Variants in SLC24A2 observed in about 807,000 individuals in gnomAD.
SLC24A2 encodes sodium/potassium/calcium exchanger 2.
A neutral mutation model predicts 62.0 loss-of-function variants in SLC24A2; 36 were observed. That is an observed-to-expected ratio of 0.58 (90% CI 0.44 to 0.77). The LOEUF (loss-of-function observed/expected upper bound fraction) is 0.77. SLC24A2 is among the 30% of genes least tolerant of loss of function. The probability of loss-of-function intolerance (pLI) is 0.00; values close to 1 mark genes in which losing one functional copy is unlikely to be tolerated. For missense variants in SLC24A2, 846 were observed against 817.9 expected (o/e 1.03, Z -0.42); for synonymous variants, 358 against 294.0 (o/e 1.22, Z -2.23).
chr9:19,880,062 T>C, the SLC24A2 span, among the ~76,000 whole-genome samples: 29 of 152,302 alleles, frequency 1.9e-4, no homozygotes, highest in African/African-American at 7.0e-4. Context: ...AATCTACTTA[T>C]GTTTTGATTT....
At chr9:19,895,546 C>CTTTCTTTTTTTTTT in the SLC24A2 span, among the ~76,000 whole-genome samples, 1 of 135,326 alleles carries the variant, frequency 7.4e-6, no homozygotes, top group Non-Finnish European at 1.6e-5. Context: ...TTCTTTCTTT[C>CTTTCTTTTTTTTTT]TTTTTTTTTT....
At chr9:19,700,027 T>G (rs1820309694) in intron 2 of SLC24A2, among the ~76,000 whole-genome samples, 1 of 152,280 alleles carries the variant, frequency 6.6e-6, no homozygotes, top group East Asian at 1.9e-4. Flanking sequence ...GTAATTGTAT[T>G]TGTAAAATGT....
chr9:19,734,035 C>T (rs117795791), intron 2 of SLC24A2, among the ~76,000 whole-genome samples: 2,338 of 152,232 alleles, frequency 0.015, 34 homozygotes, highest in Middle Eastern at 0.034. Context: ...AACATTTAAG[C>T]AGAGACTAAA....
chr9:19,694,538 G>T (rs577845538), intron 2 of SLC24A2, among the ~76,000 whole-genome samples: 1 of 152,102 alleles, frequency 6.6e-6, no homozygotes, highest in Non-Finnish European at 1.5e-5. Flanking sequence ...AAATGTAAAT[G>T]CTGCCCAAAG....
chr9:19,925,616 G>GA, the SLC24A2 span, among the ~76,000 whole-genome samples: 23 of 151,490 alleles, frequency 1.5e-4, no homozygotes, highest in East Asian at 1.5e-3. Context: ...AAAATCTGCA[G>GA]AAAAAAAAAT....
the SLC24A2 span, among the ~76,000 whole-genome samples, chr9:19,941,492 T>C: frequency 6.6e-6 from 1 of 151,508 alleles, no homozygotes; most frequent in Non-Finnish European, 1.5e-5. Flanking sequence ...CTCCACCCAC[T>C]ACCAAAAAGC....
chr9:19,977,681 A>G, the SLC24A2 span, among the ~76,000 whole-genome samples: 1 of 152,218 alleles, frequency 6.6e-6, no homozygotes, highest in Non-Finnish European at 1.5e-5. Context: ...GGCAGAAAGC[A>G]GGAACAATTT....
chr9:20,212,606 C>A, the SLC24A2 span, among the ~76,000 whole-genome samples: 1 of 151,478 alleles, frequency 6.6e-6, no homozygotes, highest in Non-Finnish European at 1.5e-5. Context: ...AAACCAGAAC[C>A]CTCTCTGTTT....
At chr9:20,301,638 A>G in the SLC24A2 span, among the ~76,000 whole-genome samples, 1 of 151,628 alleles carries the variant, frequency 6.6e-6, no homozygotes, top group Non-Finnish European at 1.5e-5. Flanking sequence ...GAAGGTACAG[A>G]GATTTCCAAT....
chr9:19,975,810 C>T, the SLC24A2 span, among the ~76,000 whole-genome samples: 73 of 152,068 alleles, frequency 4.8e-4, no homozygotes, highest in South Asian at 1.2e-3. Flanking sequence ...GGTGGCCCTC[C>T]ATATCTGTGG....
the SLC24A2 span, among the ~76,000 whole-genome samples, chr9:19,809,991 C>T: frequency 6.6e-6 from 1 of 152,190 alleles, no homozygotes; most frequent in African/African-American, 2.4e-5. Flanking sequence ...CCAGACAACG[C>T]AGCCACTTCA....
the SLC24A2 span, among the ~76,000 whole-genome samples, chr9:19,939,605 C>G: frequency 6.6e-6 from 1 of 152,136 alleles, no homozygotes; most frequent in African/African-American, 2.4e-5. Context: ...TTACTGTAAA[C>G]AACGGTAGAC....
intron 5 of SLC24A2, among the ~76,000 whole-genome samples, chr9:19,590,501 C>T (rs183671272): frequency 2.4e-4 from 37 of 152,306 alleles, no homozygotes; most frequent in Non-Finnish European, 1.8e-4. Flanking sequence ...TTACTTCTAG[C>T]CCACTTTTCC....
the SLC24A2 span, among the ~76,000 whole-genome samples, chr9:20,194,859 G>T: frequency 6.6e-6 from 1 of 151,528 alleles, no homozygotes; most frequent in Non-Finnish European, 1.5e-5. Context: ...ACACACACAC[G>T]CATGCACACA....
chr9:20,059,871 G>C, the SLC24A2 span, among the ~76,000 whole-genome samples: 1 of 152,032 alleles, frequency 6.6e-6, no homozygotes, highest in Non-Finnish European at 1.5e-5. Flanking sequence ...AAAGTTGGTT[G>C]TTTGAAAAGA....
chr9:19,674,316 G>C (rs1273431203), intron 2 of SLC24A2, among the ~76,000 whole-genome samples: 1 of 152,090 alleles, frequency 6.6e-6, no homozygotes, highest in Non-Finnish European at 1.5e-5. Flanking sequence ...CTTAAGTTTT[G>C]ACTTTAGATA....
At chr9:20,198,929 G>T in the SLC24A2 span, among the ~76,000 whole-genome samples, 1 of 152,206 alleles carries the variant, frequency 6.6e-6, no homozygotes, top group Non-Finnish European at 1.5e-5. Context: ...GAGGCTAAAA[G>T]GGGTGTGGAT....
chr9:19,791,204 A>G (rs1369664515), upstream of SLC24A2, among the ~76,000 whole-genome samples: 2 of 152,206 alleles, frequency 1.3e-5, no homozygotes, highest in Non-Finnish European at 2.9e-5. Context: ...CCTCATGGCT[A>G]CAAAATGGTT....
the SLC24A2 span, among the ~76,000 whole-genome samples, chr9:19,876,305 C>T: frequency 6.6e-6 from 1 of 151,586 alleles, no homozygotes; most frequent in Non-Finnish European, 1.5e-5. Context: ...CTCACATTTA[C>T]TTAGAATGAG....
Sources: allele counts gnomAD v4.1 joint callset (sites outside exome capture counted in the v4.1 genomes callset), GRCh38; gene constraint gnomAD v4.1.1; transcripts MANE v1.5; gene names NCBI Gene and HGNC (gene_info 2026-07-23, HGNC 2026-07-21).